GDPD5: variants seen among roughly 807,000 people sequenced by gnomAD.
The protein encoded by GDPD5 is glycerophosphodiester phosphodiesterase 2.
A neutral mutation model predicts 75.1 loss-of-function variants in GDPD5; 48 were observed. That is an observed-to-expected ratio of 0.64 (90% confidence interval 0.51 to 0.81). The LOEUF (loss-of-function observed/expected upper bound fraction) is 0.81, where lower values mean the gene tolerates loss of function less well. Among genes scored for constraint, GDPD5 ranks in the 40% least tolerant of loss-of-function variants. The probability of loss-of-function intolerance (pLI) is 0.00; values close to 1 mark genes in which losing one functional copy is unlikely to be tolerated. For missense variants in GDPD5, 706 were observed against 822.6 expected, an observed-to-expected ratio of 0.86 and a Z score of 1.73; for synonymous variants, 336 against 339.0, an observed-to-expected ratio of 0.99 and a Z score of 0.10.
chr11:75,512,422 A>G (rs953402341), intron 1 of GDPD5, among the ~76,000 whole-genome samples: 7 of 152,096 alleles, frequency 4.6e-5, no homozygotes, highest in African/African-American at 1.7e-4. Context: ...ACCAGAGTTG[A>G]ACACATGCAG....
At chr11:75,458,257 G>A (rs1048425289) in intron 4 of GDPD5, among the ~76,000 whole-genome samples, 1 of 152,232 alleles carries the variant, frequency 6.6e-6, no homozygotes, top group East Asian at 1.9e-4. Context: ...AGATGCCATC[G>A]ATTGTCACTG....
chr11:75,468,130 T>C (rs896163719), intron 3 of GDPD5, among the ~76,000 whole-genome samples: 3 of 152,184 alleles, frequency 2.0e-5, no homozygotes, highest in Non-Finnish European at 4.4e-5. Flanking sequence ...CCTGCCACTG[T>C]AGACTGCAGC....
At chr11:75,468,987 C>T (rs1233653055) in intron 3 of GDPD5, among the ~76,000 whole-genome samples, 3 of 152,182 alleles carry the variant, frequency 2.0e-5, no homozygotes, top group Non-Finnish European at 1.5e-5. Flanking sequence ...AGCTGTAAGT[C>T]GCCAAATCCA....
intron 1 of GDPD5, among the ~76,000 whole-genome samples, chr11:75,496,911 T>C (rs1011873135): frequency 6.6e-6 from 1 of 151,058 alleles, no homozygotes; most frequent in Non-Finnish European, 1.5e-5. Flanking sequence ...CTCCTGAGTC[T>C]CTAGGACTAT....
At chr11:75,459,458 T>TG (rs1315575283) in intron 4 of GDPD5, among the ~76,000 whole-genome samples, 1 of 151,850 alleles carries the variant, frequency 6.6e-6, no homozygotes, top group Non-Finnish European at 1.5e-5. Context: ...CACATACCAC[T>TG]GTGGCTGGTG....
At position 75,472,915 on chromosome 11, in the gene GDPD5, G is replaced by C. The variant is rs2135347132; in HGVS notation, c.117+4704C>G. On this transcript the variant is annotated intron_variant, in intron 3 of 16. Coordinates refer to ENST00000336898, the MANE Select transcript of GDPD5 (RefSeq NM_030792.8). ...GAAGGTGGGGAGAGAGAGCAGTGAG[G>C]AGAGAAAGGAAGGAGGAGGGCTATT... Among the ~76,000 whole-genome samples the C allele has an allele frequency of 2.0e-5, 3 of 152,232 alleles. 1 individual carries two copies. In the Middle Eastern group the frequency reaches 0.01, roughly 518 times the overall value.
intron 1 of GDPD5, among the ~76,000 whole-genome samples, chr11:75,519,749 C>G (rs900159350): frequency 2.6e-5 from 4 of 152,222 alleles, no homozygotes; most frequent in African/African-American, 9.6e-5. Flanking sequence ...GGGACCGGCC[C>G]CTGCCTCAGG....
rs923566773 is a variant in GDPD5 at position 75,441,285 on chromosome 11, C to T, written c.1351G>A (p.Val451Met). 3.1e-6 allele frequency: 5 copies of T among 1,614,048 alleles called. No homozygotes were observed. In the Admixed American group the frequency reaches 8.3e-5, roughly 27 times the overall value. Residue 451 changes from valine to methionine, a missense_variant, in exon 14 of 17, where the codon GTG becomes ATG. By Grantham distance (21) the Val-to-Met change is conservative. Transcript: ENST00000336898. ...GGTGCGTTGACTGTGTAGAGGTTCA[C>T]ACTCAGGTTCCAGGACGCGTAGTCC... ...LRDYASWNLSVNLYTVNAPWL... is the reference protein window; with the variant it reads ...LRDYASWNLSMNLYTVNAPWL...
At position 75,441,248 on chromosome 11, in the gene GDPD5, G is replaced by C; in HGVS notation, c.1388C>G (p.Ser463Cys). ...LYTVNAPWLF[S>C]LLWCAGVPSV... ...TGGGACCCCCGCACACCACAGCAGG[G>C]AGAAGAGCCACGGTGCGTTGACTGT... The change falls in exon 14 of 17, where the codon TCC becomes TGC. Residue 463 changes from serine to cysteine, a missense_variant. Transcript: ENST00000336898. 6.2e-7 allele frequency: 1 copy of C among 1,614,168 alleles called. No individual in the cohort carries two copies. Among genetic ancestry groups the C allele is most frequent in the East Asian group, 2.2e-5 (1 of 44,888 alleles).
At chr11:75,454,251 G>A (rs935597270) in intron 6 of GDPD5, among the ~76,000 whole-genome samples, 1 of 152,210 alleles carries the variant, frequency 6.6e-6, no homozygotes, top group Admixed American at 6.5e-5. Context: ...ACTCAAACAT[G>A]TGAAAAATGC....
rs140050509 is a variant in GDPD5, at chr11:75,474,910, C to T, written c.117+2709G>A. ...CTTGCCTTTCTTCTTCCAGCAAACT[C>T]TCACTTAAACCCACATCTTCAACAC... On this transcript the variant is annotated intron_variant, in intron 3 of 16. Coordinates refer to ENST00000336898, the MANE Select transcript of GDPD5 (RefSeq NM_030792.8). Among the ~76,000 whole-genome samples the T allele has an allele frequency of 1.9e-4, 29 of 152,352 alleles. No homozygotes were observed. The East Asian group carries it at 5.6e-3, about 29-fold the overall frequency.
rs572826503 is a variant in GDPD5, at chr11:75,481,657, A to G, written c.-60-3862T>C. 4.4e-4 allele frequency among the ~76,000 whole-genome samples: 67 copies of G among 152,160 alleles called. 1 individual carries two copies. The highest frequency in any genetic ancestry group is 7.1e-4 in the Non-Finnish European group (48 of 67,964). On this transcript the variant is annotated intron_variant, in intron 2 of 16. Transcript: ENST00000336898. Reference sequence around the variant, plus strand: ...TGCGTGCCCACATAGGCACCCCCACATTCCCAGCCTTCCCGCAGGGGTGGG... The same window carrying G: ...TGCGTGCCCACATAGGCACCCCCACGTTCCCAGCCTTCCCGCAGGGGTGGG...
chr11:75,476,335 T>A (rs145398619), intron 3 of GDPD5, among the ~76,000 whole-genome samples: 21 of 151,906 alleles, frequency 1.4e-4, no homozygotes, highest in Middle Eastern at 3.4e-3. Flanking sequence ...ACAGCCCTCA[T>A]CACATGTCAT....
rs938447900 is a variant in GDPD5, at chr11:75,443,301, G to C, written c.798-15C>G. 1 of 1,598,142 alleles carries C rather than the reference G, an allele frequency of 6.3e-7. No homozygotes were observed. The highest frequency in any genetic ancestry group is 2.3e-5 in the East Asian group (1 of 44,370). On this transcript the variant is annotated splice_polypyrimidine_tract_variant and intron_variant, in intron 10 of 16. Transcript: ENST00000336898. ...CGCCGTCCAGGCTGCAGGGAGGGTG[G>C]GGCCACCGAGTCAGTGACCCCCCAG...
rs201741930 is a variant in GDPD5 at position 75,456,739 on chromosome 11, G to C, written c.375+18C>G. Reference sequence around the variant, plus strand: ...GCTTCCCTTGCTCTCTCCCAGCCCCGGCCGAGGCGGCCCTTACCTTGTGCA... The same window carrying C: ...GCTTCCCTTGCTCTCTCCCAGCCCCCGCCGAGGCGGCCCTTACCTTGTGCA... On this transcript the variant is annotated intron_variant, in intron 6 of 16. Coordinates refer to ENST00000336898, the MANE Select transcript of GDPD5 (RefSeq NM_030792.8). 6.2e-7 allele frequency: 1 copy of C among 1,613,852 alleles called. No homozygotes were observed. Among genetic ancestry groups the C allele is most frequent in the Non-Finnish European group, 8.5e-7 (1 of 1,179,760 alleles).
chr11:75,471,258 C>G (rs887341852), intron 3 of GDPD5, among the ~76,000 whole-genome samples: 7 of 152,318 alleles, frequency 4.6e-5, no homozygotes, highest in African/African-American at 1.7e-4. Flanking sequence ...TACCCTGGCC[C>G]TGATCCGGGA....
intron 16 of GDPD5, 73 bp downstream of exon 16, chr11:75,436,863 A>G: frequency 1.8e-6 from 2 of 1,109,828 alleles, no homozygotes; most frequent in Non-Finnish European, 2.7e-6. Context: ...GTGTGCATAC[A>G]CATCTGTTTG....
intron 16 of GDPD5, 41 bp downstream of exon 16, chr11:75,436,895 G>T: frequency 6.7e-7 from 1 of 1,486,024 alleles, no homozygotes; most frequent in Non-Finnish European, 9.4e-7. Flanking sequence ...GCAGAAAGCT[G>T]GGCCCAGGGC....
At chr11:75,458,484 A>G (rs1949340391) in intron 4 of GDPD5, among the ~76,000 whole-genome samples, 1 of 152,082 alleles carries the variant, frequency 6.6e-6, no homozygotes, top group African/African-American at 2.4e-5. Flanking sequence ...CATCCTGGCT[A>G]ACATGGTGAA....
Sources: allele counts gnomAD v4.1 joint callset (sites outside exome capture counted in the v4.1 genomes callset), GRCh38; gene constraint gnomAD v4.1.1; transcripts MANE v1.5; gene names NCBI Gene and HGNC (gene_info 2026-07-23, HGNC 2026-07-21).